Variants in ACAT1 observed in about 807,000 individuals in gnomAD.
ACAT1 encodes the protein acetyl-CoA acetyltransferase 1.
ACAT1 carries 28 observed loss-of-function variants against 47.3 expected under a neutral mutation model. That is an observed-to-expected ratio of 0.59 (90% CI 0.44 to 0.81). ACAT1 has a LOEUF of 0.81. Among genes scored for constraint, ACAT1 ranks in the 30% least tolerant of loss-of-function variants. The pLI is 0.00. For missense variants in ACAT1, 469 were observed against 524.3 expected (o/e 0.89, Z 1.03); for synonymous variants, 181 against 173.6 (o/e 1.04, Z -0.34).
At chr11:108,119,199 C>CT (rs376501004), upstream of ACAT1, among the ~76,000 whole-genome samples, 1,290 of 147,910 alleles carry the variant, frequency 8.7e-3, 19 homozygotes, top group African/African-American at 0.029. Context: ...TGTAACCAGT[C>CT]TTTTTTTTTT....
intron 1 of ACAT1, among the ~76,000 whole-genome samples, chr11:108,124,232 A>T (rs1226497338): frequency 6.6e-6 from 1 of 152,110 alleles, no homozygotes; most frequent in Non-Finnish European, 1.5e-5. Flanking sequence ...AACAGCCTGT[A>T]TGCTACTTCC....
At chr11:108,138,225 T>G (rs1259968255) in intron 5 of ACAT1, among the ~76,000 whole-genome samples, 1 of 152,002 alleles carries the variant, frequency 6.6e-6, no homozygotes, top group African/African-American at 2.4e-5. Context: ...GACCTCGTGA[T>G]CAGCCCGCTT....
At chr11:108,142,095 T>C (rs2077600170) in intron 8 of ACAT1, among the ~76,000 whole-genome samples, 1 of 152,198 alleles carries the variant, frequency 6.6e-6, no homozygotes, top group Non-Finnish European at 1.5e-5. Flanking sequence ...ATTTGAAAAA[T>C]ATGTAGTGAG....
At chr11:108,143,814 A>C in intron 9 of ACAT1, 169 bp from the exon 10 acceptor site, 2 of 217,230 alleles carry the variant, frequency 9.2e-6, no homozygotes, top group African/African-American at 2.5e-5. Flanking sequence ...GTCTTAGATT[A>C]CTGGAGTAAT....
chr11:108,145,687 A>G (rs367915215), intron 10 of ACAT1, among the ~76,000 whole-genome samples: 4 of 152,310 alleles, frequency 2.6e-5, no homozygotes, highest in African/African-American at 9.6e-5. Context: ...TCTGTCCCCT[A>G]TGTCAAAACA....
Position 108,131,970 on chromosome 11 carries a change from T to C in ACAT1, c.120+16T>C. ...CACTTTGAAGGTAAGTAATTTAAATTGTGCTTTAAAATTTCCAGAATTTAA... is the reference window on the plus strand; with the variant it reads ...CACTTTGAAGGTAAGTAATTTAAATCGTGCTTTAAAATTTCCAGAATTTAA... On this transcript the variant is annotated intron_variant, in intron 2 of 11. Coordinates refer to ENST00000265838, the MANE Select transcript of ACAT1 (RefSeq NM_000019.4). The C allele has an allele frequency of 2.7e-6, 4 of 1,495,370 alleles. No individual in the cohort carries two copies. The highest frequency in any genetic ancestry group is 1.2e-5 in the South Asian group (1 of 86,814). The allele number at this position is 1,495,370 out of a possible 1,614,324, so 92.6% of individuals were successfully genotyped here.
chr11:108,145,322 G>A (rs1195249233), intron 10 of ACAT1, among the ~76,000 whole-genome samples: 1 of 152,208 alleles, frequency 6.6e-6, no homozygotes, highest in African/African-American at 2.4e-5. Flanking sequence ...AGCAGAAACT[G>A]CAGGGGATGC....
intron 10 of ACAT1, 52 bp downstream of exon 10, chr11:108,144,099 T>C: frequency 1.3e-6 from 2 of 1,599,718 alleles, no homozygotes; most frequent in African/African-American, 1.3e-5. Context: ...CTGGTTTGCT[T>C]ATACCAAGGT....
intron 7 of ACAT1, among the ~76,000 whole-genome samples, chr11:108,140,990 C>A (rs1378967556): frequency 2.0e-5 from 3 of 151,982 alleles, no homozygotes; most frequent in African/African-American, 7.3e-5. Flanking sequence ...CTTTGGGAGG[C>A]CGAGGTGGGA....
intron 11 of ACAT1, among the ~76,000 whole-genome samples, chr11:108,146,617 A>G (rs570972386): frequency 2.8e-4 from 42 of 152,216 alleles, no homozygotes; most frequent in African/African-American, 8.4e-4. Flanking sequence ...TCTCCTTCCT[A>G]TTTATTTCAT....
intron 11 of ACAT1, 145 bp from the exon 12 acceptor site, chr11:108,147,125 A>C (rs1291420502): frequency 1.1e-6 from 1 of 950,218 alleles, no homozygotes; most frequent in African/African-American, 1.7e-5. Context: ...AAGTCCTCCA[A>C]GTTTTAGTTT....
At chr11:108,124,255 ATTTC>A (rs1458922945) in intron 1 of ACAT1, among the ~76,000 whole-genome samples, 4 of 151,584 alleles carry the variant, frequency 2.6e-5, no homozygotes, top group South Asian at 2.1e-4. Flanking sequence ...CCTGTTGCTA[ATTTC>A]TTTCTTTCTT....
At chr11:108,135,815 A>G (rs2077458118) in intron 5 of ACAT1, among the ~76,000 whole-genome samples, 1 of 151,656 alleles carries the variant, frequency 6.6e-6, no homozygotes, top group Non-Finnish European at 1.5e-5. Flanking sequence ...GAGATAGAGC[A>G]AGACTCTCAA....
chr11:108,121,862 G>A, intron 1 of ACAT1, 184 bp downstream of exon 1: 1 of 628,374 alleles, frequency 1.6e-6, no homozygotes, highest in South Asian at 1.9e-5. Context: ...CCAGGGACTC[G>A]CCTATTTTTA....
chr11:108,146,124 T>C (rs2077702545), intron 10 of ACAT1, 78 bp from the exon 11 acceptor site: 5 of 1,196,802 alleles, frequency 4.2e-6, no homozygotes, highest in Admixed American at 1.7e-5. Flanking sequence ...TGTCAAACTG[T>C]AGTATTTCAA....
intron 7 of ACAT1, among the ~76,000 whole-genome samples, chr11:108,141,170 G>A (rs1403612209): frequency 1.3e-5 from 2 of 152,054 alleles, no homozygotes; most frequent in Non-Finnish European, 2.9e-5. Context: ...CGAGGCTGCA[G>A]TGAGCTAGGT....
At chr11:108,133,660 C>T (rs771011962) in intron 2 of ACAT1, among the ~76,000 whole-genome samples, 160 bp from the exon 3 acceptor site, 122 of 152,160 alleles carry the variant, frequency 8.0e-4, no homozygotes, top group Non-Finnish European at 1.0e-3. Context: ...TCATAAAGCA[C>T]TAGCATTGAA....
At chr11:108,123,086 T>G (rs976997243) in intron 1 of ACAT1, among the ~76,000 whole-genome samples, 1 of 148,626 alleles carries the variant, frequency 6.7e-6, no homozygotes, top group Non-Finnish European at 1.5e-5. Flanking sequence ...CACACAAAAA[T>G]TAGCTGGGTG....
intron 10 of ACAT1, among the ~76,000 whole-genome samples, chr11:108,145,806 A>G (rs2077694983): frequency 6.6e-6 from 1 of 152,200 alleles, no homozygotes. Context: ...GCACTTTGGG[A>G]GGCTGAAGTG....
Sources: allele counts gnomAD v4.1 joint callset (sites outside exome capture counted in the v4.1 genomes callset), GRCh38; gene constraint gnomAD v4.1.1; transcripts MANE v1.5; gene names NCBI Gene and HGNC (gene_info 2026-07-23, HGNC 2026-07-21).